HCRTR2: variants seen among roughly 807,000 people sequenced by gnomAD.
HCRTR2 encodes the protein orexin receptor type 2.
HCRTR2 carries 22 observed loss-of-function variants against 49.0 expected under a neutral mutation model. The observed-to-expected ratio is 0.45, with a 90% CI of 0.32 to 0.64. The LOEUF (loss-of-function observed/expected upper bound fraction) is 0.64, where lower values mean the gene tolerates loss of function less well. Among genes scored for constraint, HCRTR2 ranks in the 30% least tolerant of loss-of-function variants. The pLI is 0.04. For missense variants in HCRTR2, 491 were observed against 559.4 expected, an observed-to-expected ratio of 0.88 and a Z score of 1.23; for synonymous variants, 236 against 205.3, an observed-to-expected ratio of 1.15 and a Z score of -1.28.
chr6:55,227,435 ATG>A lies in HCRTR2; in HGVS notation c.224-21188_224-21187del, dbSNP rs140682850. ...TTTTCCCTATCCCTCGAATGGGTGT[ATG>A]TGTGTGTGTGTGTGTTTGCACACAT... On this transcript the variant is annotated intron_variant, in intron 1 of 6. Transcript: ENST00000370862. Among the ~76,000 whole-genome samples, 154 of 151,190 alleles carry A rather than the reference ATG, an allele frequency of 1.0e-3. 1 individual carries two copies. Among genetic ancestry groups the A allele is most frequent in the African/African-American group, 3.4e-3 (142 of 41,340 alleles).
At chr6:55,153,505 C>G (rs1023086463) in intron 1 of HCRTR2, among the ~76,000 whole-genome samples, 1 of 151,964 alleles carries the variant, frequency 6.6e-6, no homozygotes, top group South Asian at 2.1e-4. Context: ...TTGCATCATA[C>G]TCTCATGGAA....
chr6:55,201,279 T>C (rs547471609), intron 1 of HCRTR2, among the ~76,000 whole-genome samples: 11 of 149,534 alleles, frequency 7.4e-5, no homozygotes, highest in Non-Finnish European at 1.2e-4. Context: ...TGTGCTTTTC[T>C]ATCCAGCTAC....
intron 4 of HCRTR2, among the ~76,000 whole-genome samples, chr6:55,264,538 A>G (rs929737729): frequency 1.6e-4 from 25 of 152,052 alleles, no homozygotes; most frequent in Admixed American, 9.9e-4. Flanking sequence ...CATCAGATGC[A>G]GGGCGAAAAT....
chr6:55,280,861 C>T (rs935674072), intron 6 of HCRTR2, among the ~76,000 whole-genome samples: 10 of 152,080 alleles, frequency 6.6e-5, no homozygotes, highest in African/African-American at 2.2e-4. Flanking sequence ...ACTATATTTA[C>T]GTTTCTCTTG....
chr6:55,254,720 A>C (rs1403560387), intron 2 of HCRTR2, among the ~76,000 whole-genome samples: 1 of 151,792 alleles, frequency 6.6e-6, no homozygotes, highest in South Asian at 2.1e-4. Flanking sequence ...AAGACATATT[A>C]TTCTTTATAA....
At chr6:55,133,662 CATCTATCTATCTATCTATCTATCTATCT>C (rs5876428) in intron 1 of HCRTR2, among the ~76,000 whole-genome samples, 1 of 148,672 alleles carries the variant, frequency 6.7e-6, no homozygotes, top group Non-Finnish European at 1.5e-5. Context: ...ATCTATCTAT[CATCTATCTATCTATCTATCTATCTATCT>C]ATCTATCTAT....
intron 1 of HCRTR2, among the ~76,000 whole-genome samples, chr6:55,110,298 C>A (rs1243937111): frequency 6.6e-6 from 1 of 151,926 alleles, no homozygotes; most frequent in African/African-American, 2.4e-5. Context: ...ACCTATAAAA[C>A]AATAACACAA....
At chr6:55,220,817 C>T (rs528069879) in intron 1 of HCRTR2, among the ~76,000 whole-genome samples, 2 of 152,210 alleles carry the variant, frequency 1.3e-5, no homozygotes, top group South Asian at 4.1e-4. Flanking sequence ...TTCTAAAAAT[C>T]ACACAAGGAA....
intron 1 of HCRTR2, among the ~76,000 whole-genome samples, chr6:55,200,235 TTG>T (rs34710192): frequency 0.45 from 61,122 of 135,016 alleles, 13,831 homozygotes; most frequent in Middle Eastern, 0.52. Flanking sequence ...GTTTGCTGTC[TTG>T]TGTGTGTGTG....
rs536287548 is a variant in HCRTR2, at chr6:55,191,965, A to T, written c.223+17155A>T. Among the ~76,000 whole-genome samples, 11 of 152,274 alleles carry T rather than the reference A, an allele frequency of 7.2e-5. 3 individuals are homozygous for T. Among genetic ancestry groups the T allele is most frequent in the African/African-American group, 2.6e-4 (11 of 41,564 alleles). Reference sequence around the variant, plus strand: ...AAACATTGTCTGCAAGATTTCTAAGATTTGAAATATATTTGCTATAGTAGG... The same window carrying T: ...AAACATTGTCTGCAAGATTTCTAAGTTTTGAAATATATTTGCTATAGTAGG... On this transcript the variant is annotated intron_variant, in intron 1 of 6. Transcript: ENST00000370862.
At chr6:55,118,770 CTTATTTAT>C (rs112088841) in intron 1 of HCRTR2, among the ~76,000 whole-genome samples, 1 of 150,584 alleles carries the variant, frequency 6.6e-6, no homozygotes, top group African/African-American at 2.4e-5. Flanking sequence ...TGTAAATTTT[CTTATTTAT>C]TTATTTATTT....
chr6:55,171,741 A>G (rs1191520373), upstream of HCRTR2, among the ~76,000 whole-genome samples: 5 of 152,212 alleles, frequency 3.3e-5, no homozygotes, highest in East Asian at 9.6e-4. Flanking sequence ...AAATATTTTC[A>G]TTTCTCGTTA....
At chr6:55,212,367 C>G (rs773221982) in intron 1 of HCRTR2, among the ~76,000 whole-genome samples, 5 of 152,086 alleles carry the variant, frequency 3.3e-5, no homozygotes, top group Non-Finnish European at 7.4e-5. Flanking sequence ...AGTAACATGC[C>G]CAGCTTCAGA....
chr6:55,220,420 G>A (rs889491100), intron 1 of HCRTR2, among the ~76,000 whole-genome samples: 3 of 152,130 alleles, frequency 2.0e-5, no homozygotes, highest in Non-Finnish European at 2.9e-5. Flanking sequence ...ATCAATCAAT[G>A]TGATACACTA....
chr6:55,148,548 G>C (rs1764624441), intron 1 of HCRTR2, among the ~76,000 whole-genome samples: 1 of 152,122 alleles, frequency 6.6e-6, no homozygotes, highest in African/African-American at 2.4e-5. Flanking sequence ...TGTAAGAATT[G>C]TTTCAGAAGG....
chr6:55,239,723 A>G (rs1013955511), intron 1 of HCRTR2, among the ~76,000 whole-genome samples: 7 of 152,102 alleles, frequency 4.6e-5, no homozygotes, highest in African/African-American at 1.4e-4. Context: ...TGAGGAAATA[A>G]AACCCGAAAC....
intron 4 of HCRTR2, among the ~76,000 whole-genome samples, chr6:55,269,556 T>C (rs1766932027): frequency 1.3e-5 from 2 of 152,136 alleles, no homozygotes; most frequent in African/African-American, 2.4e-5. Flanking sequence ...ATCAATTTCA[T>C]TTTTATACAT....
intron 1 of HCRTR2, among the ~76,000 whole-genome samples, chr6:55,202,720 C>T (rs6937705): frequency 0.22 from 32,596 of 151,278 alleles, 3,651 homozygotes; most frequent in Admixed American, 0.3. Flanking sequence ...AAAGGGCCCA[C>T]TTCCAAAGAC....
At chr6:55,207,058 T>G (rs957972118) in intron 1 of HCRTR2, among the ~76,000 whole-genome samples, 2 of 152,140 alleles carry the variant, frequency 1.3e-5, no homozygotes, top group Admixed American at 6.5e-5. Context: ...AAAATAACTT[T>G]CAAAATATCT....
Sources: allele counts gnomAD v4.1 joint callset (sites outside exome capture counted in the v4.1 genomes callset), GRCh38; gene constraint gnomAD v4.1.1; transcripts MANE v1.5; gene names NCBI Gene and HGNC (gene_info 2026-07-23, HGNC 2026-07-21).